DNM2: variants seen among roughly 807,000 people sequenced by gnomAD.
DNM2 encodes the protein dynamin-2.
In DNM2, 15 loss-of-function variants were observed where a neutral mutation model predicts 99.0. The observed-to-expected ratio is 0.15, with a 90% CI of 0.10 to 0.23. The LOEUF is 0.23. Ranked by LOEUF, DNM2 falls within the 10% of genes least tolerant of loss-of-function variation. DNM2 has a pLI of 1.00. For synonymous variants in DNM2, 525 were observed against 481.2 expected (o/e 1.09, Z -1.19); for missense variants, 742 against 1,189.4 (o/e 0.62, Z 5.53).
intron 16 of DNM2, among the ~76,000 whole-genome samples, chr19:10,822,193 T>C (rs1313229610): frequency 3.3e-5 from 5 of 150,790 alleles, no homozygotes; most frequent in Non-Finnish European, 7.4e-5. Flanking sequence ...TTTTCTTTTT[T>C]TTTTTTTTTT....
At chr19:10,789,652 G>A (rs2071683310) in intron 7 of DNM2, among the ~76,000 whole-genome samples, 1 of 152,058 alleles carries the variant, frequency 6.6e-6, no homozygotes, top group Non-Finnish European at 1.5e-5. Context: ...CACCAACATG[G>A]TGAAACCCTG....
chr19:10,804,130 A>G (rs2072254696), intron 12 of DNM2, among the ~76,000 whole-genome samples: 1 of 152,014 alleles, frequency 6.6e-6, no homozygotes, highest in Middle Eastern at 3.4e-3. Flanking sequence ...AGGATTTTGG[A>G]TTTTCCCCCA....
chr19:10,828,765 A>T (rs1238918783), intron 18 of DNM2, among the ~76,000 whole-genome samples: 1 of 151,904 alleles, frequency 6.6e-6, no homozygotes, highest in African/African-American at 2.4e-5. Flanking sequence ...CTCTAAAAAA[A>T]TTACAAAACT....
At chr19:10,740,137 G>A (rs1021290887) in intron 1 of DNM2, among the ~76,000 whole-genome samples, 1 of 151,812 alleles carries the variant, frequency 6.6e-6, no homozygotes, top group Admixed American at 6.6e-5. Flanking sequence ...TCTGATTTTT[G>A]TAATTTGAGT....
chr19:10,736,900 A>C (rs2069549092), intron 1 of DNM2, among the ~76,000 whole-genome samples: 1 of 152,162 alleles, frequency 6.6e-6, no homozygotes, highest in Middle Eastern at 3.2e-3. Context: ...TAATCCCAGC[A>C]CTTTGGGAGG....
intron 2 of DNM2, among the ~76,000 whole-genome samples, chr19:10,770,581 G>C (rs111952503): frequency 0.016 from 2,369 of 152,172 alleles, 66 homozygotes; most frequent in African/African-American, 0.054. Flanking sequence ...TTTGAGACCG[G>C]GCAATTTACA....
At chr19:10,760,103 G>C (rs2145856887) in intron 2 of DNM2, among the ~76,000 whole-genome samples, 1 of 151,856 alleles carries the variant, frequency 6.6e-6, no homozygotes, top group Non-Finnish European at 1.5e-5. Context: ...ATGCTATCTT[G>C]GCTCACTGCA....
chr19:10,735,277 A>T (rs186597007), intron 1 of DNM2, among the ~76,000 whole-genome samples: 128 of 151,990 alleles, frequency 8.4e-4, no homozygotes, highest in African/African-American at 3.0e-3. Flanking sequence ...TGACCTCATG[A>T]TCTGCCCGCC....
At chr19:10,798,302 GC>G (rs1268068638) in intron 10 of DNM2, 183 bp from the exon 11 acceptor site, 3 of 625,350 alleles carry the variant, frequency 4.8e-6, no homozygotes, top group Non-Finnish European at 8.7e-6. Context: ...GGTCCACGGT[GC>G]CCCCACTCTT....
chr19:10,822,575 T>C (rs1234532693), intron 16 of DNM2, among the ~76,000 whole-genome samples: 1 of 151,798 alleles, frequency 6.6e-6, no homozygotes, highest in African/African-American at 2.4e-5. Context: ...CTTGGCTCAC[T>C]GCAACTTCCA....
intron 5 of DNM2, among the ~76,000 whole-genome samples, chr19:10,779,184 C>A (rs929850179): frequency 1.7e-4 from 25 of 150,244 alleles, no homozygotes; most frequent in African/African-American, 5.9e-4. Context: ...CACTTCACTC[C>A]AGCCTGGGCC....
At chr19:10,743,954 C>G (rs994576844) in intron 1 of DNM2, among the ~76,000 whole-genome samples, 1 of 150,754 alleles carries the variant, frequency 6.6e-6, no homozygotes, top group Non-Finnish European at 1.5e-5. Context: ...CCATTGCACT[C>G]CAGCCAGGGC....
At chr19:10,779,214 C>CAA (rs771369368) in intron 5 of DNM2, among the ~76,000 whole-genome samples, 5 of 100,510 alleles carry the variant, frequency 5.0e-5, no homozygotes, top group African/African-American at 1.1e-4. Flanking sequence ...GGGTCTGTCT[C>CAA]AAAAAAAAAA....
intron 1 of DNM2, among the ~76,000 whole-genome samples, chr19:10,722,177 T>C (rs1214120248): frequency 1.3e-5 from 2 of 152,128 alleles, no homozygotes; most frequent in African/African-American, 4.8e-5. Flanking sequence ...GTGGCAGTAA[T>C]GGCTTCGATT....
At chr19:10,801,209 G>A (rs1186222416) in intron 11 of DNM2, among the ~76,000 whole-genome samples, 1 of 152,186 alleles carries the variant, frequency 6.6e-6, no homozygotes, top group Non-Finnish European at 1.5e-5. Context: ...GGAAGACTGA[G>A]GCAGGAGAAT....
intron 1 of DNM2, among the ~76,000 whole-genome samples, chr19:10,733,749 G>C (rs1568268335): frequency 1.3e-5 from 2 of 152,116 alleles, no homozygotes; most frequent in South Asian, 4.2e-4. Flanking sequence ...GCTCACGCCT[G>C]TAATCCCAGC....
At chr19:10,763,266 G>A (rs1000133472) in intron 2 of DNM2, 2 of 152,236 alleles carry the variant, frequency 1.3e-5, no homozygotes, top group African/African-American at 4.8e-5. Context: ...AGTAGAGACG[G>A]GGTTTTACCA....
At position 10,830,613 on chromosome 19, in the gene DNM2, C is replaced by G; in HGVS notation, c.2543+235C>G. 1.6e-6 allele frequency: 1 copy of G among 610,642 alleles called. No homozygotes were observed. Among genetic ancestry groups the G allele is most frequent in the Non-Finnish European group, 2.8e-6 (1 of 351,124 alleles). 37.8% of individuals were successfully genotyped at this position (610,642 alleles called of 1,614,324 possible). Reference sequence around the variant, plus strand: ...GGGCTCCCAGCTTGCCCTCTGCCTACTGGGGTGTGCCACCAGGCAGCTGGG... The same window carrying G: ...GGGCTCCCAGCTTGCCCTCTGCCTAGTGGGGTGTGCCACCAGGCAGCTGGG... On this transcript the variant is annotated intron_variant, in intron 20 of 20. Transcript: ENST00000389253. This position sits in a 1 kb window ranked among gnomAD's most constrained non-coding sequence, Gnocchi z 4.8.
At chr19:10,737,472 C>A (rs2069571590) in intron 1 of DNM2, among the ~76,000 whole-genome samples, 3 of 152,040 alleles carry the variant, frequency 2.0e-5, no homozygotes, top group Non-Finnish European at 2.9e-5. Flanking sequence ...GTCATTGTTC[C>A]ACCTATGCGT....
Sources: allele counts gnomAD v4.1 joint callset (sites outside exome capture counted in the v4.1 genomes callset), GRCh38; gene constraint gnomAD v4.1.1; non-coding constraint Gnocchi (gnomAD v3.1); transcripts MANE v1.5; gene names NCBI Gene and HGNC (gene_info 2026-07-23, HGNC 2026-07-21).